Variants in MGA observed in about 807,000 individuals in gnomAD.
MGA encodes the protein MAX dimerization protein MGA, also known as MAX gene-associated protein.
A neutral mutation model predicts 261.1 loss-of-function variants in MGA; 40 were observed. That is an observed-to-expected ratio of 0.15 (90% CI 0.12 to 0.20). The LOEUF (loss-of-function observed/expected upper bound fraction) is 0.20, where lower values mean the gene tolerates loss of function less well. Among genes scored for constraint, MGA ranks in the 10% least tolerant of loss-of-function variants. The pLI, the probability that MGA is intolerant of heterozygous loss-of-function variation, is 1.00. For missense variants in MGA, 3,397 were observed against 3,630.5 expected (o/e 0.94, Z 1.65); for synonymous variants, 1,302 against 1,290.6 (o/e 1.01, Z -0.19).
chr15:41,690,889 C>G (rs1291693807), intron 2 of MGA, among the ~76,000 whole-genome samples: 1 of 151,784 alleles, frequency 6.6e-6, no homozygotes, highest in Non-Finnish European at 1.5e-5. Context: ...AAAACCAAAC[C>G]AAACTAATAG....
At chr15:41,739,059 C>A (rs1036109617) in intron 13 of MGA, among the ~76,000 whole-genome samples, 3 of 151,936 alleles carry the variant, frequency 2.0e-5, no homozygotes, top group African/African-American at 7.3e-5. Context: ...GTTATCTTCT[C>A]TAGAGTTGCC....
At chr15:41,638,099 G>T (rs1401207947) in intron 1 of MGA, among the ~76,000 whole-genome samples, 1 of 133,580 alleles carries the variant, frequency 7.5e-6, no homozygotes, top group Non-Finnish European at 1.5e-5. Flanking sequence ...CTGGAGTGCA[G>T]TGGTGAGATC....
intron 2 of MGA, among the ~76,000 whole-genome samples, chr15:41,671,393 G>T (rs146714095): frequency 1.3e-5 from 2 of 151,356 alleles, no homozygotes; most frequent in African/African-American, 4.9e-5. Context: ...GTGTCATCTC[G>T]GCTCACTGCA....
chr15:41,761,428 T>TA, intron 20 of MGA, among the ~76,000 whole-genome samples: 1 of 152,326 alleles, frequency 6.6e-6, no homozygotes. Context: ...GAGTTGATCT[T>TA]AAAGTTGATT....
At position 41,729,265 on chromosome 15, in the gene MGA, A is replaced by C; in HGVS notation, c.3759A>C (p.Gln1253His). The C allele has an allele frequency of 6.2e-7, 1 of 1,613,914 alleles. No individual in the cohort carries two copies. The highest frequency in any genetic ancestry group is 8.5e-7 in the Non-Finnish European group (1 of 1,179,848). Residue 1253 changes from glutamine to histidine, a missense_variant, in exon 11 of 24, where the codon CAA becomes CAC. Physicochemically the swap from Gln to His is conservative, Grantham distance 24. Around this residue, in one of 9 missense-constraint regions of MGA, gnomAD observed 1,410 missense variants for 1,386.4 expected, o/e 1.02. Transcript: ENST00000219905. ...AGCGAAAAAAAGAGGACCAGAGACA[A>C]CCATCTTCCTCCTCCTCCCCATCTC...
At chr15:41,763,092 CTTTTTTTT>C (rs71108131) in intron 22 of MGA, among the ~76,000 whole-genome samples, 2 of 63,970 alleles carry the variant, frequency 3.1e-5, no homozygotes, top group South Asian at 7.5e-4. Context: ...TTCTTTCTTC[CTTTTTTTT>C]TTTTTTTTTT....
chr15:41,688,865 G>C (rs181108972), intron 2 of MGA, among the ~76,000 whole-genome samples: 185 of 152,240 alleles, frequency 1.2e-3, no homozygotes, highest in African/African-American at 4.2e-3. Context: ...TTCTGGCAGG[G>C]TTTGGTTTCT....
intron 2 of MGA, chr15:41,684,435 AG>A (rs1450229896): frequency 4.5e-6 from 2 of 446,514 alleles, no homozygotes; most frequent in Non-Finnish European, 9.0e-6. Context: ...GAGACTTCTC[AG>A]AAGAATGAAA....
chr15:41,702,277 C>T (rs775469922), intron 5 of MGA, among the ~76,000 whole-genome samples: 2 of 150,340 alleles, frequency 1.3e-5, no homozygotes, highest in Non-Finnish European at 2.9e-5. Context: ...GAGCCGAGAT[C>T]GCGCCACCAC....
Position 41,749,223 on chromosome 15 carries a change from G to C in MGA, c.5616G>C (p.Gly1872=). The change falls in exon 17 of 24, where the codon GGG becomes GGC. Residue 1872 remains glycine, a synonymous_variant. Transcript: ENST00000219905. ...TGAATCCTGTAATTCAAGCTGTTGG[G>C]TCTTCTTCAGCAGTGAATGTTATCA... 1 of 1,613,954 alleles carries C rather than the reference G, an allele frequency of 6.2e-7. No individual in the cohort carries two copies. The highest frequency in any genetic ancestry group is 8.5e-7 in the Non-Finnish European group (1 of 1,179,898).
chr15:41,754,109 G>A (rs972814811), intron 17 of MGA, among the ~76,000 whole-genome samples: 2 of 152,036 alleles, frequency 1.3e-5, no homozygotes, highest in African/African-American at 2.4e-5. Context: ...TGTAGAGACA[G>A]GGTTTTGCCA....
chr15:41,679,596 C>T (rs1041773526), intron 2 of MGA, among the ~76,000 whole-genome samples: 4 of 151,782 alleles, frequency 2.6e-5, no homozygotes, highest in African/African-American at 7.3e-5. Context: ...TTATATTGCC[C>T]ATTGCTGTTT....
rs376742135 is a variant in MGA at position 41,711,229 on chromosome 15, G to C, written c.2964G>C (p.Leu988Phe). The change falls in exon 8 of 24, where the codon TTG (leucine) becomes TTC (phenylalanine). Residue 988 changes from leucine to phenylalanine, a missense_variant. Physicochemically the swap from Leu to Phe is conservative, Grantham distance 22. This residue lies in a region of MGA where 519 missense variants were observed against 554.1 expected (regional missense o/e 0.94). Transcript: ENST00000219905. ...AACAGGGAAGTCGCCCTCCAGGCTT[G>C]TCTAAATCTCAGGTGAAGCTAATGG... 19 of 1,613,916 alleles carry C rather than the reference G, an allele frequency of 1.2e-5. No individual in the cohort carries two copies. Among genetic ancestry groups the C allele is most frequent in the Non-Finnish European group, 1.6e-5 (19 of 1,179,908 alleles).
At chr15:41,733,210 G>T (rs1211546801) in intron 11 of MGA, among the ~76,000 whole-genome samples, 1 of 151,956 alleles carries the variant, frequency 6.6e-6, no homozygotes, top group Non-Finnish European at 1.5e-5. Context: ...CACCCACCTC[G>T]GCCTCCCAAA....
intron 18 of MGA, among the ~76,000 whole-genome samples, chr15:41,755,791 G>A (rs568376639): frequency 6.6e-6 from 1 of 152,336 alleles, no homozygotes; most frequent in East Asian, 1.9e-4. Context: ...GGCCGAGGTG[G>A]GTGGATCACC....
chr15:41,761,936 T>C, intron 21 of MGA, 86 bp downstream of exon 21: 1 of 1,146,066 alleles, frequency 8.7e-7, no homozygotes, highest in South Asian at 1.6e-5. Flanking sequence ...AGATACTTAA[T>C]TGAAAGCTTG....
chr15:41,636,448 A>G (rs2056709389), intron 1 of MGA, among the ~76,000 whole-genome samples: 1 of 143,468 alleles, frequency 7.0e-6, no homozygotes, highest in Non-Finnish European at 1.5e-5. Flanking sequence ...GCCTGCCACC[A>G]TGCTTGGCTA....
chr15:41,695,520 T>C (rs1481238756), intron 2 of MGA, among the ~76,000 whole-genome samples: 1 of 152,162 alleles, frequency 6.6e-6, no homozygotes, highest in African/African-American at 2.4e-5. Context: ...TCAAGATACA[T>C]TGGTACAGTT....
At chr15:41,708,242 G>A (rs1418024707) in intron 7 of MGA, 34 bp downstream of exon 7, 1 of 1,383,960 alleles carries the variant, frequency 7.2e-7, no homozygotes, top group Non-Finnish European at 9.9e-7. Context: ...TAAATGTTCT[G>A]AAACATGTAG....
Sources: allele counts gnomAD v4.1 joint callset (sites outside exome capture counted in the v4.1 genomes callset), GRCh38; gene constraint gnomAD v4.1.1; regional missense constraint gnomAD v4.1.1; transcripts MANE v1.5; gene names NCBI Gene and HGNC (gene_info 2026-07-23, HGNC 2026-07-21).